MEGF6: variants seen among roughly 807,000 people sequenced by gnomAD.
MEGF6 encodes the protein multiple EGF like domains 6.
Under a neutral mutation model 207.1 loss-of-function variants are expected in MEGF6, and 184 were observed. That is an observed-to-expected ratio of 0.89 (90% confidence interval 0.79 to 1.00). The LOEUF (loss-of-function observed/expected upper bound fraction) is 1.00, where lower values mean the gene tolerates loss of function less well. Among genes scored for constraint, MEGF6 ranks in the 50% least tolerant of loss-of-function variants. The probability of loss-of-function intolerance (pLI) is 0.00; values close to 1 mark genes in which losing one functional copy is unlikely to be tolerated. For synonymous variants in MEGF6, 1,038 were observed against 910.0 expected (o/e 1.14, Z -2.53); for missense variants, 2,282 against 2,202.9 (o/e 1.04, Z -0.72).
intron 8 of MEGF6, 22 bp downstream of exon 8, chr1:3,511,984 C>T (rs376243990): frequency 3.5e-5 from 57 of 1,611,644 alleles, no homozygotes; most frequent in South Asian, 3.2e-4. Context: ...CACCTTCAGC[C>T]TGTTGCCGGC....
rs776275515 is a variant in MEGF6, at chr1:3,579,869, G to A, written c.437C>T (p.Pro146Leu). The change falls in exon 4 of 37, where the codon CCG becomes CTG. Residue 146 changes from proline to leucine, a missense_variant. By Grantham distance (98) the Pro-to-Leu change is moderately conservative (BLOSUM62 -3). Transcript: ENST00000356575. ...GGRCVPGSAQ[P>L]CHCPPGFQGP... ...CTGGAAGCCGGGGGGACAGTGACAC[G>A]GCTGGGCTGAGCCTGGCACACAACG... is the stretch of plus-strand genomic sequence containing the variant. 13 of 1,543,816 alleles carry A rather than the reference G, an allele frequency of 8.4e-6. No individual in the cohort carries two copies. Among genetic ancestry groups the A allele is most frequent in the South Asian group, 2.5e-5 (2 of 81,114 alleles).
chr1:3,591,190 C>T (rs555157360), intron 3 of MEGF6, among the ~76,000 whole-genome samples: 9 of 152,306 alleles, frequency 5.9e-5, no homozygotes, highest in African/African-American at 2.2e-4. Flanking sequence ...GGGAAGCGCA[C>T]GGCAGAGCTG....
chr1:3,605,352 C>T (rs12743246), intron 1 of MEGF6, among the ~76,000 whole-genome samples: 27,106 of 112,960 alleles, frequency 0.24, 2,958 homozygotes, highest in East Asian at 0.45. Flanking sequence ...CATACACTCA[C>T]GCACGTTCAC....
At chr1:3,596,731 T>A (rs982968516) in intron 2 of MEGF6, among the ~76,000 whole-genome samples, 3 of 144,836 alleles carry the variant, frequency 2.1e-5, no homozygotes, top group African/African-American at 5.2e-5. Flanking sequence ...AGCCCCCGTC[T>A]CCACCCTGCT....
intron 4 of MEGF6, among the ~76,000 whole-genome samples, chr1:3,542,180 C>T (rs1642550794): frequency 6.6e-6 from 1 of 152,224 alleles, no homozygotes; most frequent in African/African-American, 2.4e-5. Flanking sequence ...GGGCTGAATC[C>T]AGCCCCAGTG....
chr1:3,604,211 C>T (rs956360877), intron 1 of MEGF6, among the ~76,000 whole-genome samples: 6 of 152,174 alleles, frequency 3.9e-5, no homozygotes, highest in Non-Finnish European at 5.9e-5. Flanking sequence ...GACCTCCTGC[C>T]GAGAGGTTCT....
intron 7 of MEGF6, among the ~76,000 whole-genome samples, chr1:3,513,192 TATTA>T (rs1641415664): frequency 6.6e-6 from 1 of 152,042 alleles, no homozygotes; most frequent in African/African-American, 2.4e-5. Flanking sequence ...CTATTTTTTT[TATTA>T]TTTTACTTGT....
intron 4 of MEGF6, among the ~76,000 whole-genome samples, chr1:3,572,811 T>G (rs1210922366): frequency 7.7e-6 from 1 of 129,626 alleles, no homozygotes; most frequent in Non-Finnish European, 1.6e-5. Flanking sequence ...GGGTCCTCCC[T>G]GTGTGTGCTG....
intron 23 of MEGF6, 70 bp from the exon 24 acceptor site, chr1:3,499,336 C>A: frequency 6.6e-7 from 1 of 1,522,146 alleles, no homozygotes; most frequent in Non-Finnish European, 8.8e-7. Flanking sequence ...AGATCACAGC[C>A]AGCTGGGCAG....
intron 35 of MEGF6, among the ~76,000 whole-genome samples, chr1:3,491,511 G>T (rs923463145): frequency 6.6e-6 from 1 of 151,956 alleles, no homozygotes; most frequent in African/African-American, 2.4e-5. Context: ...CTGTCTTAAG[G>T]CTCTGAACAA....
At chr1:3,609,522 G>T (rs1644297542) in intron 1 of MEGF6, among the ~76,000 whole-genome samples, 1 of 152,216 alleles carries the variant, frequency 6.6e-6, no homozygotes, top group Non-Finnish European at 1.5e-5. Flanking sequence ...ATAAACCAGG[G>T]GCACAGGCCC....
At chr1:3,544,839 G>A (rs1047451097) in intron 4 of MEGF6, among the ~76,000 whole-genome samples, 9 of 152,250 alleles carry the variant, frequency 5.9e-5, no homozygotes, top group Admixed American at 1.3e-4. Context: ...GGGGAACAGC[G>A]GGGCAGAGGA....
At position 3,568,431 on chromosome 1, in the gene MEGF6, C is replaced by T. The variant is rs145393624; in HGVS notation, c.481+11394G>A. ...CCCTCATGGGGCCCACGGAGGCCAC[C>T]CCTTTGGCTAGAGCAGGACAGGGAG... is the stretch of plus-strand genomic sequence containing the variant. On this transcript the variant is annotated intron_variant, in intron 4 of 36. Transcript: ENST00000356575. Among the ~76,000 whole-genome samples, 14 of 152,186 alleles carry T rather than the reference C, an allele frequency of 9.2e-5. No homozygotes were observed. In the East Asian group the frequency reaches 2.7e-3, roughly 29 times the overall value.
the MEGF6 span, among the ~76,000 whole-genome samples, chr1:3,619,910 G>A: frequency 6.6e-5 from 10 of 152,188 alleles, no homozygotes; most frequent in African/African-American, 2.4e-4. Flanking sequence ...GGGAAAGTTT[G>A]GAACTTCCTA....
intron 4 of MEGF6, among the ~76,000 whole-genome samples, chr1:3,542,089 C>A (rs555606824): frequency 8.5e-5 from 13 of 152,154 alleles, no homozygotes; most frequent in Admixed American, 7.8e-4. Context: ...CCTCCCCCAA[C>A]CCCCGGCTGC....
intron 4 of MEGF6, among the ~76,000 whole-genome samples, chr1:3,571,448 G>A (rs1643490647): frequency 6.6e-6 from 1 of 152,052 alleles, no homozygotes; most frequent in African/African-American, 2.4e-5. Context: ...ATCCCCCCCA[G>A]ACACGCTGGG....
At chr1:3,496,117 AC>A in intron 29 of MEGF6, 99 bp from the exon 30 acceptor site, 1 of 1,414,304 alleles carries the variant, frequency 7.1e-7, no homozygotes, top group Non-Finnish European at 9.2e-7. Flanking sequence ...GGGTGAGGGG[AC>A]CCTGGGTCTG....
At chr1:3,546,033 C>T (rs1454243811) in intron 4 of MEGF6, among the ~76,000 whole-genome samples, 1 of 152,204 alleles carries the variant, frequency 6.6e-6, no homozygotes, top group Non-Finnish European at 1.5e-5. Flanking sequence ...CAGTAAGTGT[C>T]TGACCGGGAC....
intron 30 of MEGF6, 133 bp from the exon 31 acceptor site, chr1:3,494,874 G>C: frequency 2.2e-6 from 3 of 1,338,096 alleles, no homozygotes; most frequent in Non-Finnish European, 3.0e-6. Context: ...TCTGCCTGCT[G>C]GGCGGGCACA....
Sources: allele counts gnomAD v4.1 joint callset (sites outside exome capture counted in the v4.1 genomes callset), GRCh38; gene constraint gnomAD v4.1.1; transcripts MANE v1.5; gene names NCBI Gene and HGNC (gene_info 2026-07-23, HGNC 2026-07-21).